The following WIPF1 variants were observed in gnomAD, a reference collection of about 807,000 sequenced individuals.
WIPF1 encodes WAS/WASL-interacting protein family member 1.
WIPF1 carries 13 observed loss-of-function variants against 35.4 expected under a neutral mutation model. That is an observed-to-expected ratio of 0.37 (90% CI 0.24 to 0.58). The LOEUF is 0.58. Ranked by LOEUF, WIPF1 falls within the 20% of genes least tolerant of loss-of-function variation. WIPF1 has a pLI of 0.74. For synonymous variants in WIPF1, 267 were observed against 266.3 expected (o/e 1.00, Z -0.02); for missense variants, 591 against 667.0 (o/e 0.89, Z 1.25).
At chr2:174,617,678 TG>T (rs1269262417) in intron 1 of WIPF1, among the ~76,000 whole-genome samples, 2 of 152,230 alleles carry the variant, frequency 1.3e-5, no homozygotes, top group Non-Finnish European at 2.9e-5. Context: ...GAAGTGCGGT[TG>T]GTTGGAACGC....
chr2:174,563,014 T>C (rs1684531349), intron 7 of WIPF1, among the ~76,000 whole-genome samples: 1 of 152,098 alleles, frequency 6.6e-6, no homozygotes, highest in African/African-American at 2.4e-5. Flanking sequence ...TATAGTCAGT[T>C]TGAACATCTT....
At chr2:174,621,743 T>C (rs1337304184) in intron 1 of WIPF1, among the ~76,000 whole-genome samples, 4 of 152,238 alleles carry the variant, frequency 2.6e-5, no homozygotes, top group African/African-American at 9.6e-5. Flanking sequence ...TATTTTATAT[T>C]GTCCTTTCAT....
intron 1 of WIPF1, among the ~76,000 whole-genome samples, chr2:174,645,443 A>G (rs1687386919): frequency 6.6e-6 from 1 of 152,196 alleles, no homozygotes; most frequent in Non-Finnish European, 1.5e-5. Context: ...AACTGTGGCA[A>G]GATATGGTCT....
chr2:174,594,309 G>A (rs1685726706), intron 1 of WIPF1, among the ~76,000 whole-genome samples: 1 of 152,180 alleles, frequency 6.6e-6, no homozygotes. Context: ...CACTAAGACT[G>A]GCTAGGAGCT....
In WIPF1 at chr2:174,637,736, G is replaced by A. The variant is rs191094373; in HGVS notation, c.-39+45038C>T. On this transcript the variant is annotated intron_variant, in intron 1 of 8. Transcript: ENST00000272746. ...CGGGAGGCGGAGCTTGCAGTGAGTC[G>A]AGATTGCGCCACTGCACTCCAGCCT... Among the ~76,000 whole-genome samples, 1,137 of 152,308 alleles carry A rather than the reference G, an allele frequency of 7.5e-3. 11 individuals are homozygous for A. Among genetic ancestry groups the A allele is most frequent in the Admixed American group, 0.012 (191 of 15,308 alleles).
At chr2:174,656,991 G>C (rs1187568553) in intron 1 of WIPF1, among the ~76,000 whole-genome samples, 1 of 152,190 alleles carries the variant, frequency 6.6e-6, no homozygotes, top group Non-Finnish European at 1.5e-5. Flanking sequence ...ACACCCCCTA[G>C]AGACAGCTGA....
rs564958785 is a variant in WIPF1, at chr2:174,638,660, T to G, written c.-39+44114A>C. ...GAGAGCATGTGGTTATCTGTCTTTC[T>G]GTGTCTGCCTTATTTCACTTAATAC... On this transcript the variant is annotated intron_variant, in intron 1 of 8. Coordinates refer to the WIPF1 transcript ENST00000272746. Among the ~76,000 whole-genome samples, 22 of 152,322 alleles carry G rather than the reference T, an allele frequency of 1.4e-4. No individual in the cohort carries two copies. The East Asian group carries it at 4.2e-3, about 29-fold the overall frequency.
intron 1 of WIPF1, among the ~76,000 whole-genome samples, chr2:174,636,817 C>T (rs1687191973): frequency 6.6e-6 from 1 of 152,198 alleles, no homozygotes; most frequent in Non-Finnish European, 1.5e-5. Context: ...GAGGATCACA[C>T]AGATAAAGTG....
chr2:174,681,379 T>A (rs1033155826), intron 1 of WIPF1, among the ~76,000 whole-genome samples: 3 of 152,302 alleles, frequency 2.0e-5, no homozygotes, highest in South Asian at 2.1e-4. Context: ...CAGTGTTGTG[T>A]GCACTGCAAA....
At chr2:174,598,180 T>C (rs979719085), upstream of WIPF1, 1 of 152,240 alleles carries the variant, frequency 6.6e-6, no homozygotes, top group South Asian at 2.1e-4. Flanking sequence ...CCTTACCTTA[T>C]CGCTTCATTA....
Position 174,662,348 on chromosome 2 carries a change from G to A in WIPF1, c.-39+20426C>T, listed in dbSNP as rs551256967. 2.0e-5 allele frequency among the ~76,000 whole-genome samples: 3 copies of A among 152,244 alleles called. No individual in the cohort carries two copies. The East Asian group carries it at 5.8e-4, about 29-fold the overall frequency. On this transcript the variant is annotated intron_variant, in intron 1 of 8. Transcript: ENST00000272746. ...CTTGGCTGGACTGCGGATGTAGAGG[G>A]TCAACTGTTCCCCATACATCGGTGA... is the stretch of plus-strand genomic sequence containing the variant.
At chr2:174,567,526 C>T (rs1377562337) in intron 6 of WIPF1, among the ~76,000 whole-genome samples, 1 of 152,242 alleles carries the variant, frequency 6.6e-6, no homozygotes, top group African/African-American at 2.4e-5. Flanking sequence ...AGGCCTCTTA[C>T]CTACAGTGAA....
intron 1 of WIPF1, among the ~76,000 whole-genome samples, chr2:174,646,302 G>A (rs13419503): frequency 0.059 from 9,044 of 152,140 alleles, 847 homozygotes; most frequent in African/African-American, 0.2. Context: ...CACATCAAAC[G>A]GGGCAAAATT....
chr2:174,629,371 C>T (rs1686945036), intron 1 of WIPF1, among the ~76,000 whole-genome samples: 1 of 152,192 alleles, frequency 6.6e-6, no homozygotes, highest in Non-Finnish European at 1.5e-5. Flanking sequence ...TGACTTTCCT[C>T]TGTTTTGCAG....
intron 1 of WIPF1, among the ~76,000 whole-genome samples, chr2:174,640,449 T>C (rs756130695): frequency 2.7e-5 from 4 of 149,830 alleles, no homozygotes; most frequent in Admixed American, 1.3e-4. Flanking sequence ...CGTATACATA[T>C]GTAACTAACC....
intron 1 of WIPF1, among the ~76,000 whole-genome samples, chr2:174,672,332 C>A (rs1386156383): frequency 6.6e-6 from 1 of 152,080 alleles, no homozygotes; most frequent in East Asian, 1.9e-4. Context: ...GCCCAGTGTA[C>A]CTGGACAGCA....
intron 1 of WIPF1, among the ~76,000 whole-genome samples, chr2:174,661,569 G>A (rs1412564186): frequency 4.6e-5 from 7 of 152,004 alleles, no homozygotes; most frequent in Admixed American, 2.0e-4. Context: ...GCCATGTCTC[G>A]AGCGTATCCC....
chr2:174,663,475 C>G (rs769827077), intron 1 of WIPF1, among the ~76,000 whole-genome samples: 22 of 152,124 alleles, frequency 1.4e-4, no homozygotes, highest in Admixed American at 9.8e-4. Flanking sequence ...CCCTTCCCCC[C>G]ACCCCGCCGC....
chr2:174,573,936 C>A (rs1684962985), intron 4 of WIPF1, among the ~76,000 whole-genome samples: 2 of 149,400 alleles, frequency 1.3e-5, no homozygotes, highest in Non-Finnish European at 3.0e-5. Context: ...GTTGCCCAGG[C>A]TGGAGTGCAG....
Sources: allele counts gnomAD v4.1 joint callset (sites outside exome capture counted in the v4.1 genomes callset), GRCh38; gene constraint gnomAD v4.1.1; transcripts MANE v1.5; gene names NCBI Gene and HGNC (gene_info 2026-07-23, HGNC 2026-07-21).